The following DCHS2 variants were observed in gnomAD, a reference collection of about 807,000 sequenced individuals.
DCHS2 encodes protocadherin-23.
DCHS2 carries 142 observed loss-of-function variants against 182.4 expected under a neutral mutation model. The observed-to-expected ratio is 0.78, with a 90% CI of 0.68 to 0.89. The LOEUF is 0.89. DCHS2 is among the 40% of genes least tolerant of loss of function. The probability of loss-of-function intolerance (pLI) is 0.00; values close to 1 mark genes in which losing one functional copy is unlikely to be tolerated. For missense variants in DCHS2, 4,319 were observed against 4,198.6 expected, an observed-to-expected ratio of 1.03 and a Z score of -0.79; for synonymous variants, 1,740 against 1,663.3, an observed-to-expected ratio of 1.05 and a Z score of -1.12.
chr4:154,417,974 G>A (rs1383860492), intron 1 of DCHS2, among the ~76,000 whole-genome samples: 3 of 152,160 alleles, frequency 2.0e-5, no homozygotes, highest in Non-Finnish European at 4.4e-5. Flanking sequence ...ACCAGTGGAT[G>A]TCAGAAAAAG....
intron 1 of DCHS2, among the ~76,000 whole-genome samples, chr4:154,459,734 T>A: frequency 7.4e-6 from 1 of 135,356 alleles, no homozygotes; most frequent in African/African-American, 3.0e-5. Flanking sequence ...TATCTACACA[T>A]TCTCTCTCTC....
At chr4:154,417,157 G>C (rs527977539) in intron 1 of DCHS2, among the ~76,000 whole-genome samples, 9 of 116,490 alleles carry the variant, frequency 7.7e-5, no homozygotes, top group Non-Finnish European at 1.7e-4. Flanking sequence ...GGCCGGTCCC[G>C]AGTGTGTGTG....
intron 5 of DCHS2, chr4:154,331,723 A>C (rs1171624888): frequency 6.2e-7 from 1 of 1,608,956 alleles, no homozygotes; most frequent in South Asian, 1.1e-5. Flanking sequence ...ACCTGCACAA[A>C]AAGGGAGCTT....
intron 1 of DCHS2, among the ~76,000 whole-genome samples, chr4:154,424,224 G>C: frequency 6.6e-6 from 1 of 151,934 alleles, no homozygotes; most frequent in Non-Finnish European, 1.5e-5. Context: ...TCAAGAAAAA[G>C]AAAAAGTAAA....
intron 16 of DCHS2, among the ~76,000 whole-genome samples, chr4:154,247,333 C>T (rs1732120278): frequency 6.6e-6 from 1 of 151,876 alleles, no homozygotes. Context: ...TAAAAATTAG[C>T]TGGGTGTGGT....
chr4:154,491,432 C>A lies in DCHS2; in HGVS notation c.-77G>T. 1 of 1,437,292 alleles carries A rather than the reference C, an allele frequency of 7.0e-7. No individual in the cohort carries two copies. The highest frequency in any genetic ancestry group is 9.1e-7 in the Non-Finnish European group (1 of 1,097,448). The allele number at this position is 1,437,292 out of a possible 1,614,324, so 89.0% of individuals were successfully genotyped here. On this transcript the variant is annotated 5_prime_UTR_variant, in exon 1 of 20. Transcript: ENST00000357232. ...GGATCGCAGAAAAATCCAGGAGCCTCTTCAGTGTCTGAGCCAGAGAAGAAA... is the reference window on the plus strand; with the variant it reads ...GGATCGCAGAAAAATCCAGGAGCCTATTCAGTGTCTGAGCCAGAGAAGAAA...
chr4:154,409,915 T>C (rs771963332), intron 1 of DCHS2, among the ~76,000 whole-genome samples: 1 of 152,220 alleles, frequency 6.6e-6, no homozygotes, highest in Non-Finnish European at 1.5e-5. Context: ...CTGACATTGA[T>C]TGCAGCTGAA....
chr4:154,244,965 T>C (rs1476794373), intron 16 of DCHS2, among the ~76,000 whole-genome samples: 2 of 152,156 alleles, frequency 1.3e-5, no homozygotes, highest in Admixed American at 6.6e-5. Flanking sequence ...TAAGTTTCTA[T>C]CAACTCTTCT....
intron 3 of DCHS2, among the ~76,000 whole-genome samples, chr4:154,342,088 G>T (rs145960181): frequency 2.4e-3 from 361 of 152,126 alleles, no homozygotes; most frequent in Non-Finnish European, 3.7e-3. Flanking sequence ...GTGAGACACA[G>T]AAATTTTTTG....
chr4:154,237,875 T>A (rs1207294948), intron 19 of DCHS2, among the ~76,000 whole-genome samples: 1 of 152,204 alleles, frequency 6.6e-6, no homozygotes, highest in African/African-American at 2.4e-5. Context: ...TCATTTAATG[T>A]TTTAAAAATA....
chr4:154,357,372 A>C (rs1226495441), intron 3 of DCHS2: 1 of 1,247,216 alleles, frequency 8.0e-7, no homozygotes, highest in Non-Finnish European at 1.2e-6. Flanking sequence ...GAAAAGCAAA[A>C]AGAAAAAGCA....
Position 154,259,618 on chromosome 4 carries a change from G to A in DCHS2, c.6716C>T (p.Ser2239Leu). 6.2e-7 allele frequency: 1 copy of A among 1,613,988 alleles called. No individual in the cohort carries two copies. Among genetic ancestry groups the A allele is most frequent in the African/African-American group, 1.3e-5 (1 of 74,974 alleles). The part of the protein sequence containing the change: ...AVLIQDENDN[S>L]PCFEQSIYQA... Reference sequence around the variant, plus strand: ...GTAAATGCTTTGTTCAAAGCATGGTGAATTATCATTCTCATCCTGTATCAA... The same window carrying A: ...GTAAATGCTTTGTTCAAAGCATGGTAAATTATCATTCTCATCCTGTATCAA... The change falls in exon 15 of 20, where the codon TCA becomes TTA. Residue 2239 changes from serine (S) to leucine (L), a missense_variant. Transcript: ENST00000357232.
At chr4:154,443,179 C>A (rs866235370) in intron 1 of DCHS2, among the ~76,000 whole-genome samples, 15 of 152,088 alleles carry the variant, frequency 9.9e-5, no homozygotes, top group African/African-American at 3.6e-4. Flanking sequence ...TTACTTCCAT[C>A]GCTCCTAAGT....
At position 154,332,614 on chromosome 4, in the gene DCHS2, C is replaced by G; in HGVS notation, c.3594G>C (p.Leu1198Phe). Residue 1198 changes from leucine (L) to phenylalanine (F), a missense_variant, in exon 5 of 20, where the codon TTG (leucine) becomes TTC (phenylalanine). Leu to Phe is a conservative substitution (Grantham distance 22). Coordinates refer to ENST00000357232, the MANE Select transcript of DCHS2 (RefSeq NM_001358235.2). ...GGGGAACAGGGCTCTCTTCGACTTT[C>G]AAAAACAACACATCATGCAAGAAGG... ...SPTFLHDVLF[L>F]KVEESPVPQG... The G allele has an allele frequency of 1.2e-6, 2 of 1,614,234 alleles. No individual in the cohort carries two copies. Among genetic ancestry groups the G allele is most frequent in the Non-Finnish European group, 1.7e-6 (2 of 1,180,048 alleles).
In DCHS2 at chr4:154,409,064, C is replaced by G. The variant is rs558525269; in HGVS notation, c.2053-31620G>C. Among the ~76,000 whole-genome samples the G allele has an allele frequency of 7.9e-5, 12 of 152,310 alleles. No homozygotes were observed. The South Asian group carries it at 1.5e-3, about 18-fold the overall frequency. On this transcript the variant is annotated intron_variant, in intron 1 of 19. Coordinates refer to ENST00000357232, the MANE Select transcript of DCHS2 (RefSeq NM_001358235.2). ...AGCCAAGCAGTCAAGCATCTCAGGA[C>G]TAAGCTGACGTGGAGCCCCATGTCC...
chr4:154,381,505 A>G (rs1343703807), intron 1 of DCHS2, among the ~76,000 whole-genome samples: 3 of 152,080 alleles, frequency 2.0e-5, no homozygotes, highest in Non-Finnish European at 4.4e-5. Context: ...ATCTCTCTTT[A>G]CTGACAATAT....
intron 13 of DCHS2, chr4:154,272,352 TTTC>T (rs1279337680): frequency 6.6e-6 from 1 of 152,162 alleles, no homozygotes; most frequent in Non-Finnish European, 1.5e-5. Context: ...TCATTTTACA[TTTC>T]TTCTAACAAC....
intron 7 of DCHS2, among the ~76,000 whole-genome samples, chr4:154,324,211 A>G (rs1736191503): frequency 6.6e-6 from 1 of 152,158 alleles, no homozygotes; most frequent in African/African-American, 2.4e-5. Context: ...TGCCATTTTT[A>G]TCCTTATTGA....
rs527647897 is a variant in DCHS2 at position 154,383,784 on chromosome 4, C to T, written c.2053-6340G>A. The stretch of plus-strand genomic sequence containing the variant: ...ACAGGGTTGGCCATAATTCCTCTGT[C>T]TACTCCTAAGCAATTGTACACTCAA... On this transcript the variant is annotated intron_variant, in intron 1 of 19. Transcript: ENST00000357232. Among the ~76,000 whole-genome samples the T allele has an allele frequency of 5.5e-4, 84 of 151,744 alleles. 1 individual carries two copies. Among genetic ancestry groups the T allele is most frequent in the Middle Eastern group, 3.4e-3 (1 of 294 alleles).
Sources: gnomAD v4.1 joint callset for allele counts (sites outside exome capture counted in the v4.1 genomes callset) on GRCh38, gnomAD v4.1.1 for gene constraint, MANE v1.5 for transcripts, NCBI Gene and HGNC (gene_info 2026-07-23, HGNC 2026-07-21) for gene names.